Variants in KIAA1210 observed in about 807,000 individuals in gnomAD.
The protein encoded by KIAA1210 is KIAA1210, also known as acrosomal protein KIAA1210.
In KIAA1210, 48 loss-of-function variants were observed where a neutral mutation model predicts 78.9. The observed-to-expected ratio is 0.61, with a 90% CI of 0.48 to 0.77. The LOEUF is 0.77. Ranked by LOEUF, KIAA1210 falls within the 30% of genes least tolerant of loss-of-function variation. The pLI, the probability that KIAA1210 is intolerant of heterozygous loss-of-function variation, is 0.00. For missense variants in KIAA1210, 1,108 were observed against 1,100.0 expected (o/e 1.01, Z -0.10); for synonymous variants, 406 against 404.5 (o/e 1.00, Z -0.04).
intron 6 of KIAA1210, among the ~76,000 whole-genome samples, chrX:119,102,460 C>T (rs755743512): frequency 9.0e-6 from 1 of 110,592 alleles, no homozygotes; most frequent in East Asian, 2.8e-4. Context: ...TGCACTACAG[C>T]CTGGAGTTCC....
rs1167641933 is a variant in KIAA1210 at position 119,088,769 on chromosome X, A to C, written c.1933T>G (p.Phe645Val). 1 of 1,211,269 alleles carries C rather than the reference A, an allele frequency of 8.3e-7. No individual in the cohort carries two copies. Residue 645 changes from phenylalanine (F) to valine (V), a missense_variant, in exon 9 of 12, where the codon TTT becomes GTT. Coordinates refer to ENST00000691062, the MANE Select transcript of KIAA1210 (RefSeq NM_001394962.1). ...TCAGAGCTGCTCAAGTCCTCAACAA[A>C]ACTTTTTGATTCTGAGAAGACTTCT... is the stretch of plus-strand genomic sequence containing the variant. ...EQEVFSESKS[F>V]VEDLSSSEEE...
chrX:119,129,664 ATCAAGCACTC>A (rs1165264332), upstream of KIAA1210, among the ~76,000 whole-genome samples: 1 of 110,780 alleles, frequency 9.0e-6, no homozygotes, highest in East Asian at 2.8e-4. Flanking sequence ...CCTGTACAGA[ATCAAGCACTC>A]TTGGACCCCT....
At chrX:119,133,341 A>G (rs1928837598) in intron 2 of KIAA1210, among the ~76,000 whole-genome samples, 1 of 111,088 alleles carries the variant, frequency 9.0e-6, no homozygotes, top group Non-Finnish European at 1.9e-5. Flanking sequence ...CAGAAGTCCT[A>G]CTCCACGAGT....
chrX:119,147,333 TA>T, intron 2 of KIAA1210: 2 of 652,612 alleles, frequency 3.1e-6, no homozygotes, highest in Non-Finnish European at 4.6e-6. Flanking sequence ...TTGTGGCTTC[TA>T]ATCTCAAATT....
chrX:119,084,576 G>A (rs913102933), intron 10 of KIAA1210, among the ~76,000 whole-genome samples: 1 of 110,489 alleles, frequency 9.1e-6, no homozygotes, highest in Non-Finnish European at 1.9e-5. Flanking sequence ...CTATGAGGAT[G>A]CAAAGGCATA....
rs781436403 is a variant in KIAA1210, at chrX:119,083,558, T to A, written c.4321-438A>T. Among the ~76,000 whole-genome samples, 8 of 112,559 alleles carry A rather than the reference T, an allele frequency of 7.1e-5. No individual in the cohort carries two copies. The South Asian group carries it at 3.0e-3, about 42-fold the overall frequency. ...CTACTTTTCAAAACTAGCTGACATA[T>A]GACTTGAAGCATTTCTCACATTAGA... is the stretch of plus-strand genomic sequence containing the variant. On this transcript the variant is annotated intron_variant, in intron 10 of 11. Coordinates refer to ENST00000691062, the MANE Select transcript of KIAA1210 (RefSeq NM_001394962.1).
At chrX:119,140,367 A>G (rs1393525243) in intron 2 of KIAA1210, among the ~76,000 whole-genome samples, 1 of 108,935 alleles carries the variant, frequency 9.2e-6, no homozygotes, top group East Asian at 2.9e-4. Context: ...CATCTCTACT[A>G]AAAATACAAA....
intron 8 of KIAA1210, 145 bp downstream of exon 8, chrX:119,093,522 A>G (rs1927454774): frequency 2.8e-6 from 1 of 362,204 alleles, no homozygotes; most frequent in Admixed American, 5.2e-5. Flanking sequence ...AGCCTGGACA[A>G]CATTTTCTGC....
chrX:119,143,587 A>G (rs1929099821), intron 2 of KIAA1210, among the ~76,000 whole-genome samples: 2 of 112,460 alleles, frequency 1.8e-5, no homozygotes, highest in South Asian at 7.5e-4. Context: ...TGGCACAGCA[A>G]GGAAAATCCT....
chrX:119,126,861 A>G (rs1351732050), intron 1 of KIAA1210, among the ~76,000 whole-genome samples: 1 of 112,079 alleles, frequency 8.9e-6, no homozygotes, highest in Non-Finnish European at 1.9e-5. Context: ...GCTTGAGCCC[A>G]GGGCTTTGAG....
chrX:119,093,284 T>G (rs1157868660), intron 8 of KIAA1210, among the ~76,000 whole-genome samples: 1 of 112,574 alleles, frequency 8.9e-6, no homozygotes, highest in African/African-American at 3.2e-5. Flanking sequence ...TTTCTGGTTC[T>G]GCTGCTGAGG....
chrX:119,136,199 GTCATTT>G (rs778478018), intron 2 of KIAA1210, among the ~76,000 whole-genome samples: 1 of 112,215 alleles, frequency 8.9e-6, no homozygotes, highest in Non-Finnish European at 1.9e-5. Context: ...GACACCAGGA[GTCATTT>G]TCTGGCCAGG....
At chrX:119,125,501 T>C (rs1289790422) in intron 1 of KIAA1210, among the ~76,000 whole-genome samples, 7 of 106,085 alleles carry the variant, frequency 6.6e-5, no homozygotes, top group Non-Finnish European at 1.4e-4. Flanking sequence ...CATGTCATGC[T>C]TCTAAGGAAG....
chrX:119,134,579 T>A (rs756414214), intron 2 of KIAA1210, among the ~76,000 whole-genome samples: 47 of 112,321 alleles, frequency 4.2e-4, no homozygotes, highest in Non-Finnish European at 6.6e-4. Context: ...ATCAAACAGA[T>A]GCCCAAATAG....
At chrX:119,110,913 T>C (rs1928050054) in intron 3 of KIAA1210, among the ~76,000 whole-genome samples, 1 of 107,329 alleles carries the variant, frequency 9.3e-6, no homozygotes, top group African/African-American at 3.6e-5. Flanking sequence ...TTGAATTTCA[T>C]GCTGGCTTTT....
chrX:119,138,135 A>G (rs892527496), intron 2 of KIAA1210, among the ~76,000 whole-genome samples: 3 of 109,890 alleles, frequency 2.7e-5, no homozygotes, highest in African/African-American at 1.0e-4. Flanking sequence ...AAAGGACTAA[A>G]AGGGACATTT....
chrX:119,100,469 T>C (rs73592472), intron 6 of KIAA1210, among the ~76,000 whole-genome samples: 1,742 of 110,565 alleles, frequency 0.016, 48 homozygotes, highest in African/African-American at 0.054. Context: ...CACCTTTCTC[T>C]ACTTTTCCAT....
intron 8 of KIAA1210, among the ~76,000 whole-genome samples, chrX:119,090,334 C>T (rs1022438759): frequency 3.6e-5 from 4 of 111,188 alleles, no homozygotes; most frequent in Admixed American, 1.9e-4. Flanking sequence ...TGCAGTGGCG[C>T]GATCTCGGCT....
At position 119,116,513 on chromosome X, in the gene KIAA1210, AT is replaced by A; in HGVS notation, c.212del (p.Asn71IlefsTer114). ...GAGCTCACCTGGCCTTAGTTGGTTG[AT>A]TTTCCCGAACGGGCTGCAGAGAAGA... Reference protein sequence around the residue: ...NISSLQPVRENQPTKARAKSS... With the variant: ...NISSLQPVREXQPTKARAKSS... On this transcript the variant is annotated frameshift_variant, in exon 3 of 12. Coordinates refer to ENST00000691062, the MANE Select transcript of KIAA1210 (RefSeq NM_001394962.1). LOFTEE classifies it high-confidence loss of function. The A allele has an allele frequency of 8.3e-7, 1 of 1,210,727 alleles. No homozygotes were observed. The highest frequency in any genetic ancestry group is 1.1e-6 in the Non-Finnish European group (1 of 895,182).
Sources: gnomAD v4.1 joint callset for allele counts (sites outside exome capture counted in the v4.1 genomes callset) on GRCh38, gnomAD v4.1.1 for gene constraint, MANE v1.5 for transcripts, NCBI Gene and HGNC (gene_info 2026-07-23, HGNC 2026-07-21) for gene names.